The following LRP2 variants were observed in gnomAD, a reference collection of about 807,000 sequenced individuals.
LRP2 encodes the protein LDL receptor related protein 2.
Under a neutral mutation model 531.0 loss-of-function variants are expected in LRP2, and 172 were observed. The ratio of observed to expected loss-of-function variants is 0.32; its 90% CI spans 0.29 to 0.37. The LOEUF is 0.37. LRP2 is among the 10% of genes least tolerant of loss of function. The pLI is 1.00. For missense variants in LRP2, 5,167 were observed against 5,868.3 expected (o/e 0.88, Z 3.90); for synonymous variants, 1,992 against 2,027.6 (o/e 0.98, Z 0.47).
chr2:169,139,285 C>T lies in LRP2; in HGVS notation c.13354G>A (p.Gly4452Ser), dbSNP rs1273346370. 6.2e-6 allele frequency: 10 copies of T among 1,614,024 alleles called. 1 individual carries two copies. The African/African-American group carries it at 6.7e-5, about 11-fold the overall frequency. ...IAGFFHYRRTGSLLPALPKLP... is the reference protein window; with the variant it reads ...IAGFFHYRRTSSLLPALPKLP... ...TTGGGCAGAGCAGGCAAAAGGGAGC[C>T]GGTCCTTCTATAGTGGAAGAATCCT... The change falls in exon 74 of 79, where the codon GGC (glycine) becomes AGC (serine). Residue 4452 changes from glycine (G) to serine (S), a missense_variant. Gly to Ser is a moderately conservative substitution (Grantham distance 56). Around this residue, in one of 6 missense-constraint regions of LRP2, gnomAD observed 348 missense variants for 369.3 expected, o/e 0.94. Transcript: ENST00000649046.
intron 63 of LRP2, among the ~76,000 whole-genome samples, chr2:169,161,627 C>A (rs1011824149): frequency 6.6e-6 from 1 of 152,108 alleles, no homozygotes; most frequent in Non-Finnish European, 1.5e-5. Context: ...GTGCACACCA[C>A]TACACCCAGC....
intron 56 of LRP2, 117 bp from the exon 57 acceptor site, chr2:169,173,341 C>T: frequency 7.9e-7 from 1 of 1,258,650 alleles, no homozygotes; most frequent in Non-Finnish European, 1.1e-6. Context: ...AAGCAAACCG[C>T]CTCTGGCGAT....
At chr2:169,233,736 G>A (rs1037457257) in intron 29 of LRP2, 148 bp from the exon 30 acceptor site, 10 of 783,788 alleles carry the variant, frequency 1.3e-5, no homozygotes, top group African/African-American at 5.2e-5. Context: ...GCAAAAGAGC[G>A]GCAAAAAATA....
intron 1 of LRP2, among the ~76,000 whole-genome samples, chr2:169,337,645 G>A (rs990217790): frequency 6.6e-6 from 1 of 152,208 alleles, no homozygotes; most frequent in Non-Finnish European, 1.5e-5. Context: ...TGTGGGTTCT[G>A]TTTAAACTGA....
intron 76 of LRP2, among the ~76,000 whole-genome samples, chr2:169,135,925 G>A (rs1025223916): frequency 6.6e-5 from 10 of 151,880 alleles, no homozygotes; most frequent in African/African-American, 1.2e-4. Context: ...TCTCCAAGCC[G>A]TCACAGCTGA....
At position 169,213,785 on chromosome 2, in the gene LRP2, G is replaced by A; in HGVS notation, c.5912C>T (p.Ser1971Phe). 6.2e-7 allele frequency: 1 copy of A among 1,613,728 alleles called. No individual in the cohort carries two copies. ...CTGTTCATCAGTATAATAAAGGAAA[G>A]AATCATGGACTGCAATTCCCCAGGG... ...SHPWGIAVHD[S>F]FLYYTDEQYE... The change falls in exon 36 of 79, where the codon TCT (serine) becomes TTT (phenylalanine). Residue 1971 changes from serine to phenylalanine, a missense_variant. Around this residue, in one of 6 missense-constraint regions of LRP2, gnomAD observed 2,811 missense variants for 3,058.0 expected, o/e 0.92. Transcript: ENST00000649046.
At chr2:169,202,529 C>T (rs1178679202) in intron 43 of LRP2, among the ~76,000 whole-genome samples, 1 of 152,164 alleles carries the variant, frequency 6.6e-6, no homozygotes. Flanking sequence ...CAGGTCTATA[C>T]AGATTACAAA....
chr2:169,243,321 GTT>G (rs1419994572), intron 23 of LRP2, 80 bp downstream of exon 23: 2 of 1,537,400 alleles, frequency 1.3e-6, no homozygotes, highest in Admixed American at 3.4e-5. Context: ...GGTGTGTGAT[GTT>G]CCCCTCCCTG....
Position 169,139,261 on chromosome 2 carries a change from T to G in LRP2, c.13378A>C (p.Lys4460Gln), listed in dbSNP as rs1685631478. ...RTGSLLPALP[K>Q]LPSLSSLVKP... ...CATAATGAAACTGACCTTGGCAGCT[T>G]GGGCAGAGCAGGCAAAAGGGAGCCG... Residue 4460 changes from lysine (K) to glutamine (Q), a missense_variant, in exon 74 of 79, where the codon AAG becomes CAG. Lys to Gln is a moderately conservative substitution (Grantham distance 53, BLOSUM62 1). Around this residue, in one of 6 missense-constraint regions of LRP2, gnomAD observed 348 missense variants for 369.3 expected, o/e 0.94. Coordinates refer to ENST00000649046, the MANE Select transcript of LRP2 (RefSeq NM_004525.3). 1 of 1,614,140 alleles carries G rather than the reference T, an allele frequency of 6.2e-7. No homozygotes were observed. The highest frequency in any genetic ancestry group is 1.7e-5 in the Admixed American group (1 of 60,022).
At chr2:169,238,481 C>A (rs1689688640) in intron 26 of LRP2, among the ~76,000 whole-genome samples, 179 bp from the exon 27 acceptor site, 1 of 151,614 alleles carries the variant, frequency 6.6e-6, no homozygotes, top group Non-Finnish European at 1.5e-5. Context: ...TCATTCTTAA[C>A]CTTAATAGTT....
chr2:169,361,377 C>CTCTCTCTCTCTCTCT lies in LRP2; in HGVS notation c.79+943_79+944insAGAGAGAGAGAGAGA, dbSNP rs1559092856. 5.0e-4 allele frequency among the ~76,000 whole-genome samples: 26 copies of CTCTCTCTCTCTCTCT among 52,272 alleles called. 2 individuals carry two copies. Among genetic ancestry groups the CTCTCTCTCTCTCTCT allele is most frequent in the East Asian group, 1.2e-3 (2 of 1,688 alleles). 34.3% of individuals were successfully genotyped at this position (52,272 alleles called of 152,430 possible). The stretch of plus-strand genomic sequence containing the variant: ...CTCTCTCTCTCTCTCTCTCTCTCTC[C>CTCTCTCTCTCTCTCT]CTCTCTCTCTCTCTCTCTGTCTCTC... On this transcript the variant is annotated intron_variant, in intron 1 of 78. Coordinates refer to ENST00000649046, the MANE Select transcript of LRP2 (RefSeq NM_004525.3).
intron 3 of LRP2, among the ~76,000 whole-genome samples, chr2:169,315,730 T>G (rs908084554): frequency 1.3e-5 from 2 of 150,964 alleles, no homozygotes; most frequent in Non-Finnish European, 1.5e-5. Context: ...TCAGCATCAG[T>G]GTCAGAGAGA....
At position 169,204,206 on chromosome 2, in the gene LRP2, T is replaced by G. The variant is rs758623046; in HGVS notation, c.7781A>C (p.His2594Pro). 6.2e-7 allele frequency: 1 copy of G among 1,614,168 alleles called. No individual in the cohort carries two copies. Among genetic ancestry groups the G allele is most frequent in the Non-Finnish European group, 8.5e-7 (1 of 1,180,026 alleles). Residue 2594 changes from histidine (H) to proline (P), a missense_variant, in exon 42 of 79, where the codon CAT (histidine) becomes CCT (proline). By Grantham distance (77) the His-to-Pro change is moderately conservative. Coordinates refer to ENST00000649046, the MANE Select transcript of LRP2 (RefSeq NM_004525.3). Reference sequence around the variant, plus strand: ...GCCATAGAGAGTCAAGCCAAAAGCATGAACGGCTGCATTGACAATGACTTC... The same window carrying G: ...GCCATAGAGAGTCAAGCCAAAAGCAGGAACGGCTGCATTGACAATGACTTC... Reference protein sequence around the residue: ...DREVIVNAAVHAFGLTLYGQY... With the variant: ...DREVIVNAAVPAFGLTLYGQY...
chr2:169,327,507 G>A (rs1236365932), intron 1 of LRP2, among the ~76,000 whole-genome samples: 7 of 118,964 alleles, frequency 5.9e-5, no homozygotes, highest in African/African-American at 2.0e-4. Context: ...CCCCCCGCCC[G>A]GCCAGCCGCC....
chr2:169,203,095 C>T (rs1019828199), intron 42 of LRP2, 136 bp from the exon 43 acceptor site: 2 of 731,844 alleles, frequency 2.7e-6, no homozygotes, highest in African/African-American at 1.7e-5. Flanking sequence ...TGCCCATTAA[C>T]CTTTTAACTA....
chr2:169,151,382 A>G (rs1273956105), intron 67 of LRP2, among the ~76,000 whole-genome samples: 3 of 152,312 alleles, frequency 2.0e-5, no homozygotes, highest in Middle Eastern at 3.4e-3. Flanking sequence ...GCTCGTCCCC[A>G]AGATAACTAC....
intron 68 of LRP2, among the ~76,000 whole-genome samples, chr2:169,149,906 T>C (rs1022756242): frequency 1.3e-5 from 2 of 151,466 alleles, no homozygotes; most frequent in African/African-American, 4.9e-5. Flanking sequence ...ATGATAATAA[T>C]ATCAGATGAA....
intron 26 of LRP2, among the ~76,000 whole-genome samples, chr2:169,238,543 C>T (rs1167271148): frequency 6.6e-6 from 1 of 151,920 alleles, no homozygotes; most frequent in African/African-American, 2.4e-5. Flanking sequence ...TTATATTTAA[C>T]TGTGTTTCTA....
At chr2:169,300,895 G>C (rs989612868) in intron 4 of LRP2, among the ~76,000 whole-genome samples, 5 of 152,080 alleles carry the variant, frequency 3.3e-5, no homozygotes, top group Non-Finnish European at 7.4e-5. Flanking sequence ...TCCACAAAAT[G>C]ACTTTAACCA....
Sources: allele counts gnomAD v4.1 joint callset (sites outside exome capture counted in the v4.1 genomes callset), GRCh38; gene constraint gnomAD v4.1.1; regional missense constraint gnomAD v4.1.1; transcripts MANE v1.5; gene names NCBI Gene and HGNC (gene_info 2026-07-23, HGNC 2026-07-21).